DISP1: variants seen among roughly 807,000 people sequenced by gnomAD.
DISP1 encodes the protein protein dispatched homolog 1.
A neutral mutation model predicts 37.3 loss-of-function variants in DISP1; 30 were observed. That is an observed-to-expected ratio of 0.80 (90% CI 0.60 to 1.09). DISP1 has a LOEUF of 1.09. Ranked by LOEUF, DISP1 falls within the 50% of genes least tolerant of loss-of-function variation. The pLI, the probability that DISP1 is intolerant of heterozygous loss-of-function variation, is 0.00. For missense variants in DISP1, 1,598 were observed against 1,879.5 expected (o/e 0.85, Z 2.77); for synonymous variants, 634 against 690.2 (o/e 0.92, Z 1.28).
At chr1:222,967,308 A>G (rs1282972705) in intron 3 of DISP1, among the ~76,000 whole-genome samples, 5 of 152,280 alleles carry the variant, frequency 3.3e-5, no homozygotes, top group South Asian at 2.1e-4. Flanking sequence ...CATCTCTGTT[A>G]GCCTCTCATC....
chr1:222,969,157 C>T (rs890599561), intron 3 of DISP1, among the ~76,000 whole-genome samples: 1 of 149,564 alleles, frequency 6.7e-6, no homozygotes, highest in African/African-American at 2.5e-5. Context: ...GATCATCTGA[C>T]GTCAGGAGTT....
At chr1:222,894,874 G>A (rs1671159366) in intron 1 of DISP1, among the ~76,000 whole-genome samples, 1 of 152,148 alleles carries the variant, frequency 6.6e-6, no homozygotes, top group African/African-American at 2.4e-5. Context: ...ATAAATATTT[G>A]AAAAATACAG....
intron 3 of DISP1, chr1:222,945,869 T>C (rs538595625): frequency 4.6e-5 from 7 of 152,252 alleles, no homozygotes; most frequent in Admixed American, 6.5e-5. Flanking sequence ...TAAAAGGGAA[T>C]TGACACCCAT....
At chr1:222,863,337 C>T (rs1230153654) in intron 1 of DISP1, among the ~76,000 whole-genome samples, 3 of 139,240 alleles carry the variant, frequency 2.2e-5, no homozygotes, top group East Asian at 2.0e-4. Context: ...CCTGGCAATA[C>T]GGTGAAACCT....
At chr1:222,825,869 T>C (rs1486612183) in intron 1 of DISP1, among the ~76,000 whole-genome samples, 1 of 152,114 alleles carries the variant, frequency 6.6e-6, no homozygotes, top group African/African-American at 2.4e-5. Context: ...AGTTAAACTA[T>C]GTGTGGGGCA....
At chr1:222,851,565 A>G (rs1035844713) in intron 1 of DISP1, among the ~76,000 whole-genome samples, 1 of 152,212 alleles carries the variant, frequency 6.6e-6, no homozygotes, top group Non-Finnish European at 1.5e-5. Context: ...TACTCAGCAC[A>G]TATAGTGGAT....
intron 8 of DISP1, among the ~76,000 whole-genome samples, chr1:223,001,480 A>AAACCTTTATG (rs1679439117): frequency 6.6e-6 from 1 of 152,174 alleles, no homozygotes; most frequent in African/African-American, 2.4e-5. Context: ...TGACATCAGC[A>AAACCTTTATG]CTTTTGATAT....
At chr1:222,967,723 A>G (rs760584562) in intron 3 of DISP1, among the ~76,000 whole-genome samples, 1 of 152,168 alleles carries the variant, frequency 6.6e-6, no homozygotes. Context: ...TTGGCATTGA[A>G]TGTGAGTTTG....
At chr1:222,972,741 C>T (rs1452049853) in intron 3 of DISP1, among the ~76,000 whole-genome samples, 1 of 152,148 alleles carries the variant, frequency 6.6e-6, no homozygotes, top group Non-Finnish European at 1.5e-5. Flanking sequence ...TTCCTATTCC[C>T]CATTCATTCA....
chr1:222,846,482 ACT>A (rs1021016969), intron 1 of DISP1, among the ~76,000 whole-genome samples: 9 of 152,042 alleles, frequency 5.9e-5, no homozygotes, highest in Admixed American at 5.2e-4. Context: ...CAAGAGTGAA[ACT>A]CTGTCTCAAA....
chr1:222,841,296 T>G (rs1667600762), intron 1 of DISP1, among the ~76,000 whole-genome samples: 1 of 152,232 alleles, frequency 6.6e-6, no homozygotes, highest in Non-Finnish European at 1.5e-5. Flanking sequence ...TAAACAAACC[T>G]GTATTTGTCA....
At chr1:222,880,309 T>C (rs1670206316) in intron 1 of DISP1, among the ~76,000 whole-genome samples, 1 of 152,178 alleles carries the variant, frequency 6.6e-6, no homozygotes, top group African/African-American at 2.4e-5. Context: ...AGAGGGTATT[T>C]TGGGCATTGA....
At chr1:222,977,345 T>TC (rs899607632) in intron 3 of DISP1, among the ~76,000 whole-genome samples, 3 of 149,634 alleles carry the variant, frequency 2.0e-5, no homozygotes, top group African/African-American at 7.3e-5. Context: ...GCATATTCTT[T>TC]TTTTTTTTTT....
chr1:222,935,882 G>A (rs568983555), intron 2 of DISP1, among the ~76,000 whole-genome samples: 3 of 152,204 alleles, frequency 2.0e-5, no homozygotes, highest in Admixed American at 6.5e-5. Context: ...TGCATCCTTT[G>A]TACAAATTGT....
At chr1:222,875,654 T>TA (rs1161033639) in intron 1 of DISP1, among the ~76,000 whole-genome samples, 52,859 of 93,542 alleles carry the variant, frequency 0.57, 15,503 homozygotes, top group African/African-American at 0.73. Flanking sequence ...CTGTCTCTAC[T>TA]AAAAAAAAAA....
At chr1:222,986,667 A>G (rs1021912787) in intron 4 of DISP1, among the ~76,000 whole-genome samples, 16 of 152,198 alleles carry the variant, frequency 1.1e-4, no homozygotes, top group Non-Finnish European at 1.8e-4. Flanking sequence ...CTTCTTCTGT[A>G]AAAGGAGAAT....
At chr1:222,897,001 C>G (rs1671301361) in intron 1 of DISP1, among the ~76,000 whole-genome samples, 1 of 152,156 alleles carries the variant, frequency 6.6e-6, no homozygotes, top group African/African-American at 2.4e-5. Flanking sequence ...CCCAGTAATT[C>G]CATACATACA....
At position 223,002,753 on chromosome 1, in the gene DISP1, C is replaced by T. The variant is rs370525290; in HGVS notation, c.1356C>T (p.Ser452=). 1.2e-6 allele frequency: 2 copies of T among 1,614,092 alleles called. No homozygotes were observed. The highest frequency in any genetic ancestry group is 1.7e-5 in the Admixed American group (1 of 60,004). ...ADYATPALKY[S]MLFSPTEKGE... ...ATGCCACGCCAGCTTTAAAATACAG[C>T]ATGCTCTTCTCTCCCACAGAGAAAG... is the stretch of plus-strand genomic sequence containing the variant. The change falls in exon 9 of 9, where the codon AGC becomes AGT. Residue 452 remains serine, a synonymous_variant. Transcript: ENST00000675850.
In DISP1 at chr1:222,867,231, C is replaced by A. The variant is rs549518300; in HGVS notation, c.-159+52153C>A. ...CAACTGACCCTTGATGGTCATTGAA[C>A]ATTTACTACATTTTTAAAAGAAATC... On this transcript the variant is annotated intron_variant, in intron 1 of 8. Coordinates refer to ENST00000675850, the MANE Select transcript of DISP1 (RefSeq NM_001377229.1). Among the ~76,000 whole-genome samples, 665 of 152,224 alleles carry A rather than the reference C, an allele frequency of 4.4e-3. 1 individual carries two copies. Among genetic ancestry groups the A allele is most frequent in the Non-Finnish European group, 7.4e-3 (505 of 68,002 alleles).
Sources: allele counts gnomAD v4.1 joint callset (sites outside exome capture counted in the v4.1 genomes callset), GRCh38; gene constraint gnomAD v4.1.1; transcripts MANE v1.5; gene names NCBI Gene and HGNC (gene_info 2026-07-23, HGNC 2026-07-21).